SCAF4: variants seen among roughly 807,000 people sequenced by gnomAD.
SCAF4 encodes SR-related CTD associated factor 4.
In SCAF4, 25 loss-of-function variants were observed where a neutral mutation model predicts 129.8. That is an observed-to-expected ratio of 0.19 (90% CI 0.14 to 0.27). The LOEUF is 0.27. SCAF4 is among the 10% of genes least tolerant of loss of function. The pLI is 1.00. For synonymous variants in SCAF4, 551 were observed against 497.7 expected, an observed-to-expected ratio of 1.11 and a Z score of -1.43; for missense variants, 1,246 against 1,457.1, an observed-to-expected ratio of 0.86 and a Z score of 2.36.
At position 31,731,992 on chromosome 21, in the gene SCAF4, G is replaced by C; in HGVS notation, c.-300C>G. 1 of 472,906 alleles carries C rather than the reference G, an allele frequency of 2.1e-6. No individual in the cohort carries two copies. Among genetic ancestry groups the C allele is most frequent in the Non-Finnish European group, 3.7e-6 (1 of 273,040 alleles). The allele number at this position is 472,906 out of a possible 1,614,324, so 29.3% of individuals were successfully genotyped here. Reference sequence around the variant, plus strand: ...TGGCGGCTGCGCTCTGCGTCTCGCTGACACGGCCCCCCGCGCCCTCACGCA... The same window carrying C: ...TGGCGGCTGCGCTCTGCGTCTCGCTCACACGGCCCCCCGCGCCCTCACGCA... On this transcript the variant is annotated 5_prime_UTR_variant, in exon 1 of 20. Transcript: ENST00000286835.
intron 7 of SCAF4, among the ~76,000 whole-genome samples, chr21:31,700,172 ACACACACACT>A (rs1031210115): frequency 9.4e-4 from 129 of 137,546 alleles, no homozygotes; most frequent in African/African-American, 3.2e-3. Context: ...AGGTTAAAAT[ACACACACACT>A]CACACACACA....
At chr21:31,696,838 C>A in intron 7 of SCAF4, 88 bp from the exon 8 acceptor site, 3 of 1,102,246 alleles carry the variant, frequency 2.7e-6, no homozygotes, top group South Asian at 3.1e-5. Context: ...TGTTTACCAC[C>A]ATCTAGAAAC....
chr21:31,688,546 T>A, intron 15 of SCAF4, 82 bp from the exon 16 acceptor site: 2 of 1,182,332 alleles, frequency 1.7e-6, no homozygotes, highest in Non-Finnish European at 2.4e-6. Flanking sequence ...ATGTTGATTA[T>A]AAAAACCTAG....
At chr21:31,718,138 G>A (rs2050984428) in intron 1 of SCAF4, among the ~76,000 whole-genome samples, 3 of 152,074 alleles carry the variant, frequency 2.0e-5, no homozygotes, top group Admixed American at 6.6e-5. Flanking sequence ...TAGAGATGGG[G>A]TTTCTCCATG....
chr21:31,717,988 G>C (rs1165459106), intron 1 of SCAF4, among the ~76,000 whole-genome samples: 1 of 150,452 alleles, frequency 6.6e-6, no homozygotes, highest in East Asian at 2.0e-4. Flanking sequence ...TCATTGCCCA[G>C]GCTGGAGTGC....
chr21:31,674,265 C>T (rs2049791723), intron 19 of SCAF4, among the ~76,000 whole-genome samples: 1 of 152,186 alleles, frequency 6.6e-6, no homozygotes, highest in Non-Finnish European at 1.5e-5. Context: ...TATAAATTAA[C>T]AGGGTTAAAA....
chr21:31,717,998 C>T (rs1197858777), intron 1 of SCAF4, among the ~76,000 whole-genome samples: 1 of 151,824 alleles, frequency 6.6e-6, no homozygotes, highest in Non-Finnish European at 1.5e-5. Context: ...GGCTGGAGTG[C>T]AATGGCGCGA....
intron 1 of SCAF4, among the ~76,000 whole-genome samples, chr21:31,718,012 C>T (rs1472086281): frequency 2.0e-5 from 3 of 151,972 alleles, no homozygotes; most frequent in Admixed American, 6.6e-5. Flanking sequence ...GGCGCGATCT[C>T]GGCTCACCAC....
chr21:31,714,878 G>A (rs1030278713), intron 1 of SCAF4, among the ~76,000 whole-genome samples: 2 of 152,196 alleles, frequency 1.3e-5, no homozygotes, highest in African/African-American at 4.8e-5. Flanking sequence ...ACAATGTGAA[G>A]ATAACTAGTA....
At chr21:31,683,211 T>A (rs2050036044) in intron 19 of SCAF4, among the ~76,000 whole-genome samples, 2 of 152,202 alleles carry the variant, frequency 1.3e-5, no homozygotes, top group African/African-American at 4.8e-5. Flanking sequence ...TCCCCTCTCA[T>A]GGGTCCATCT....
chr21:31,731,533 C>T, intron 1 of SCAF4, 130 bp downstream of exon 1: 1 of 1,109,756 alleles, frequency 9.0e-7, no homozygotes, highest in Non-Finnish European at 1.3e-6. Context: ...TCCGCGCAGG[C>T]CCCGCCGCCC....
intron 1 of SCAF4, among the ~76,000 whole-genome samples, chr21:31,719,420 C>G (rs952089258): frequency 6.6e-6 from 1 of 152,090 alleles, no homozygotes; most frequent in African/African-American, 2.4e-5. Flanking sequence ...CCATTTACTC[C>G]GGGCAGAACT....
At chr21:31,700,182 TCACACA>T (rs71193138) in intron 7 of SCAF4, among the ~76,000 whole-genome samples, 10 of 148,468 alleles carry the variant, frequency 6.7e-5, no homozygotes, top group African/African-American at 2.2e-4. Flanking sequence ...ACACACACAC[TCACACA>T]CACACACACA....
intron 1 of SCAF4, among the ~76,000 whole-genome samples, chr21:31,726,085 G>C (rs1233404317): frequency 6.7e-6 from 1 of 148,568 alleles, no homozygotes; most frequent in African/African-American, 2.5e-5. Flanking sequence ...TCGCTCTGTC[G>C]CCCAGGCTGG....
chr21:31,690,658 A>T (rs1177607435), intron 15 of SCAF4, 139 bp downstream of exon 15: 1 of 670,674 alleles, frequency 1.5e-6, no homozygotes, highest in Non-Finnish European at 2.5e-6. Flanking sequence ...CCCTCAGTTT[A>T]TAATGGAGAT....
intron 15 of SCAF4, among the ~76,000 whole-genome samples, chr21:31,689,947 A>G (rs534570822): frequency 2.5e-4 from 38 of 151,832 alleles, no homozygotes; most frequent in Non-Finnish European, 4.7e-4. Flanking sequence ...AACGAAACAA[A>G]AACAACAAAA....
Position 31,688,371 on chromosome 21 carries a change from T to G in SCAF4, c.1979A>C (p.Lys660Thr). Reference sequence around the variant, plus strand: ...AGGAGGGACAGGCACAGGTAATGGTTTAGGTATGGGTGATACTGGTTCTGT... The same window carrying G: ...AGGAGGGACAGGCACAGGTAATGGTGTAGGTATGGGTGATACTGGTTCTGT... Reference protein sequence around the residue: ...SHTEPVSPIPKPLPVPVPPIP... With the variant: ...SHTEPVSPIPTPLPVPVPPIP... Residue 660 changes from lysine to threonine, a missense_variant, in exon 16 of 20, where the codon AAA (lysine) becomes ACA (threonine). Physicochemically the swap from Lys to Thr is moderately conservative, Grantham distance 78 (BLOSUM62 -1). Around this residue, in one of 6 missense-constraint regions of SCAF4, gnomAD observed 468 missense variants for 605.5 expected, o/e 0.77. Transcript: ENST00000286835. 1 of 1,613,632 alleles carries G rather than the reference T, an allele frequency of 6.2e-7. No homozygotes were observed. Among genetic ancestry groups the G allele is most frequent in the Non-Finnish European group, 8.5e-7 (1 of 1,179,748 alleles).
chr21:31,695,950 T>C (rs755351590), intron 9 of SCAF4, among the ~76,000 whole-genome samples, 163 bp downstream of exon 9: 89 of 152,232 alleles, frequency 5.8e-4, no homozygotes, highest in Admixed American at 1.3e-3. Flanking sequence ...CTTGTTTTAA[T>C]TACAGAAAAA....
At chr21:31,728,113 T>C (rs1392674303) in intron 1 of SCAF4, among the ~76,000 whole-genome samples, 1 of 152,186 alleles carries the variant, frequency 6.6e-6, no homozygotes, top group Non-Finnish European at 1.5e-5. Flanking sequence ...AAGTTAGCCA[T>C]CCCCTCTTGC....
Sources: allele counts gnomAD v4.1 joint callset (sites outside exome capture counted in the v4.1 genomes callset), GRCh38; gene constraint gnomAD v4.1.1; regional missense constraint gnomAD v4.1.1; transcripts MANE v1.5; gene names NCBI Gene and HGNC (gene_info 2026-07-23, HGNC 2026-07-21).